SLC30A9: variants seen among roughly 807,000 people sequenced by gnomAD.
SLC30A9 encodes the protein proton-coupled zinc antiporter SLC30A9, mitochondrial.
Under a neutral mutation model 87.5 loss-of-function variants are expected in SLC30A9, and 58 were observed. That is an observed-to-expected ratio of 0.66 (90% CI 0.54 to 0.82). The LOEUF (loss-of-function observed/expected upper bound fraction) is 0.82. SLC30A9 is among the 40% of genes least tolerant of loss of function. The pLI is 0.00. For synonymous variants in SLC30A9, 234 were observed against 233.0 expected, an observed-to-expected ratio of 1.00 and a Z score of -0.04; for missense variants, 557 against 679.1, an observed-to-expected ratio of 0.82 and a Z score of 2.00.
intron 2 of SLC30A9, among the ~76,000 whole-genome samples, chr4:42,007,609 GAGCC>G (rs1715267135): frequency 3.7e-5 from 1 of 27,100 alleles, no homozygotes; most frequent in Non-Finnish European, 2.9e-4. Context: ...AAATTAGCCG[GAGCC>G]GGGCATGGTG....
rs192582601 is a variant in SLC30A9, at chr4:42,058,505, G to A, written c.841-1686G>A. ...TCCAAAGTTGCTTCCACATTTTCGG[G>A]TATCTAGAGCAGCACCCCACTCTAC... On this transcript the variant is annotated intron_variant, in intron 9 of 17. Transcript: ENST00000264451. 1.0e-3 allele frequency among the ~76,000 whole-genome samples: 156 copies of A among 152,252 alleles called. 1 individual carries two copies. Among genetic ancestry groups the A allele is most frequent in the African/African-American group, 3.6e-3 (151 of 41,546 alleles).
intron 4 of SLC30A9, among the ~76,000 whole-genome samples, chr4:42,022,420 C>CGG (rs1296151851): frequency 6.6e-6 from 1 of 151,366 alleles, no homozygotes; most frequent in African/African-American, 2.4e-5. Context: ...TTAGTAGAGA[C>CGG]GGGGTTTCAC....
chr4:42,054,394 T>G (rs1717516551), intron 9 of SLC30A9, among the ~76,000 whole-genome samples: 1 of 152,054 alleles, frequency 6.6e-6, no homozygotes, highest in African/African-American at 2.4e-5. Context: ...TCAGGATTTG[T>G]GCATTTCATT....
intron 15 of SLC30A9, among the ~76,000 whole-genome samples, chr4:42,071,476 G>A (rs560135330): frequency 2.0e-5 from 3 of 152,112 alleles, no homozygotes; most frequent in East Asian, 3.9e-4. Context: ...GTTTAATCTT[G>A]AAAAGTAACT....
intron 13 of SLC30A9, 121 bp downstream of exon 13, chr4:42,066,742 G>A (rs2077945619): frequency 1.6e-6 from 1 of 614,498 alleles, no homozygotes. Context: ...TCATCCCTGT[G>A]TGGCTCTTAC....
intron 2 of SLC30A9, among the ~76,000 whole-genome samples, chr4:42,012,148 A>AC (rs1035240990): frequency 1.3e-5 from 2 of 152,120 alleles, no homozygotes; most frequent in African/African-American, 4.8e-5. Context: ...AAAGAAATCT[A>AC]CCCCTGACAC....
chr4:42,009,953 A>G (rs2581441), intron 2 of SLC30A9, among the ~76,000 whole-genome samples: 92,467 of 152,120 alleles, frequency 0.61, 33,428 homozygotes, highest in East Asian at 0.95. Flanking sequence ...ATTGTAAGAA[A>G]TGGATGTGTA....
At chr4:42,043,080 A>G (rs2153137812) in intron 8 of SLC30A9, among the ~76,000 whole-genome samples, 1 of 152,312 alleles carries the variant, frequency 6.6e-6, no homozygotes, top group Non-Finnish European at 1.5e-5. Context: ...AAAGTCACCA[A>G]CATCAAAGAC....
At chr4:41,993,665 G>A (rs1714556797) in intron 1 of SLC30A9, among the ~76,000 whole-genome samples, 1 of 151,958 alleles carries the variant, frequency 6.6e-6, no homozygotes, top group South Asian at 2.1e-4. Flanking sequence ...AAACATAAAC[G>A]GTTTATGCCC....
intron 4 of SLC30A9, among the ~76,000 whole-genome samples, chr4:42,021,658 A>G (rs1254379753): frequency 1.3e-5 from 2 of 152,194 alleles, no homozygotes; most frequent in Non-Finnish European, 2.9e-5. Flanking sequence ...GTATTAATCT[A>G]CATATAAACA....
chr4:42,086,134 G>A lies in SLC30A9; in HGVS notation c.*8G>A, dbSNP rs370749868. 6.7e-6 allele frequency: 10 copies of A among 1,503,606 alleles called. No homozygotes were observed. The highest frequency in any genetic ancestry group is 9.0e-6 in the Non-Finnish European group (10 of 1,108,658). The allele number at this position is 1,503,606 out of a possible 1,614,324, so 93.1% of individuals were successfully genotyped here. On this transcript the variant is annotated 3_prime_UTR_variant, in exon 18 of 18. Coordinates refer to ENST00000264451, the MANE Select transcript of SLC30A9 (RefSeq NM_006345.4). ...GATTTGGAGATACTGTGAGTTTGAT[G>A]GAATGAATCACCTGGGTGGGGACCT...
chr4:42,041,194 ATGTGGGAAT>A (rs1716908384), intron 8 of SLC30A9, among the ~76,000 whole-genome samples: 1 of 152,120 alleles, frequency 6.6e-6, no homozygotes, highest in African/African-American at 2.4e-5. Context: ...CTCCCAAAAC[ATGTGGGAAT>A]TATAGGAGCT....
At chr4:42,057,861 T>C (rs1717681473) in intron 9 of SLC30A9, among the ~76,000 whole-genome samples, 1 of 152,090 alleles carries the variant, frequency 6.6e-6, no homozygotes, top group Non-Finnish European at 1.5e-5. Context: ...CCCAGCACTT[T>C]GGGAGGCTGA....
intron 10 of SLC30A9, among the ~76,000 whole-genome samples, chr4:42,061,865 A>G (rs1182765670): frequency 6.7e-6 from 1 of 148,536 alleles, no homozygotes; most frequent in African/African-American, 2.5e-5. Flanking sequence ...ACGCCATTGC[A>G]CTCCAGCCTG....
At position 42,089,095 on chromosome 4, in the gene SLC30A9, C is replaced by G. The variant is rs1325032625; in HGVS notation, c.*2969C>G. ...ATAAATCATTTTTAAGGAAAATATT[C>G]TCTGCAGGAGAATAATTACAAAAAT... On this transcript the variant is annotated 3_prime_UTR_variant, in exon 18 of 18. Coordinates refer to ENST00000264451, the MANE Select transcript of SLC30A9 (RefSeq NM_006345.4). 2 of 152,080 alleles carry G rather than the reference C, an allele frequency of 1.3e-5. No individual in the cohort carries two copies. Among genetic ancestry groups the G allele is most frequent in the Admixed American group, 6.5e-5 (1 of 15,270 alleles). The allele number at this position is 152,080 out of a possible 1,614,324, so 9.4% of individuals were successfully genotyped here. A position where few individuals can be genotyped will look rare whatever the true frequency, so the allele number is the denominator to read the frequency against.
At chr4:41,993,787 T>C (rs1714564794) in intron 1 of SLC30A9, among the ~76,000 whole-genome samples, 1 of 152,310 alleles carries the variant, frequency 6.6e-6, no homozygotes, top group South Asian at 2.1e-4. Context: ...TTCATAGTTA[T>C]GGAGAGTGGG....
At chr4:42,066,483 A>G (rs1718080465) in intron 12 of SLC30A9, 67 bp from the exon 13 acceptor site, 3 of 959,186 alleles carry the variant, frequency 3.1e-6, no homozygotes, top group Non-Finnish European at 4.9e-6. Flanking sequence ...TTATCTTTTG[A>G]GATGCCATCT....
intron 2 of SLC30A9, among the ~76,000 whole-genome samples, chr4:42,016,054 G>A (rs533332367): frequency 1.3e-5 from 2 of 152,214 alleles, no homozygotes; most frequent in East Asian, 1.9e-4. Flanking sequence ...AGGAAAACTG[G>A]CTCTGTGACT....
In SLC30A9 at chr4:42,090,236, TC is replaced by T. The variant is rs1719048177; in HGVS notation, c.*4111del. ...GTCTCCCCTAAATCCTTCATTTCTT[TC>T]TCTGAAATGGAACTTTGGAAGCCAT... On this transcript the variant is annotated 3_prime_UTR_variant, in exon 18 of 18. Transcript: ENST00000264451. 1.3e-5 allele frequency: 2 copies of T among 152,258 alleles called. No homozygotes were observed. The highest frequency in any genetic ancestry group is 2.9e-5 in the Non-Finnish European group (2 of 68,046). The allele number at this position is 152,258 out of a possible 1,614,324, so 9.4% of individuals were successfully genotyped here. A position where few individuals can be genotyped will look rare whatever the true frequency, so the allele number is the denominator to read the frequency against.
Sources: allele counts gnomAD v4.1 joint callset (sites outside exome capture counted in the v4.1 genomes callset), GRCh38; gene constraint gnomAD v4.1.1; transcripts MANE v1.5; gene names NCBI Gene and HGNC (gene_info 2026-07-23, HGNC 2026-07-21).